The following MOB4 variants were observed in gnomAD, a reference collection of about 807,000 sequenced individuals.
MOB4 encodes MOB-like protein phocein.
MOB4 carries 4 observed loss-of-function variants against 32.2 expected under a neutral mutation model. The ratio of observed to expected loss-of-function variants is 0.12; its 90% CI spans 0.06 to 0.28. The LOEUF (loss-of-function observed/expected upper bound fraction) is 0.28, where lower values mean the gene tolerates loss of function less well. Ranked by LOEUF, MOB4 falls within the 10% of genes least tolerant of loss-of-function variation. The pLI is 1.00. For missense variants in MOB4, 158 were observed against 271.2 expected (o/e 0.58, Z 2.93); for synonymous variants, 88 against 88.1 (o/e 1.00, Z 0.01).
intron 3 of MOB4, among the ~76,000 whole-genome samples, chr2:197,538,379 A>T (rs1574645314): frequency 6.7e-6 from 1 of 148,208 alleles, no homozygotes; most frequent in Non-Finnish European, 1.5e-5. Flanking sequence ...TTATTAGTTG[A>T]CCAGGAAGAG....
Position 197,535,518 on chromosome 2 carries a change from CTTTGT to C in MOB4, c.124-8_124-4del. The C allele has an allele frequency of 6.3e-7, 1 of 1,580,604 alleles. No individual in the cohort carries two copies. The highest frequency in any genetic ancestry group is 8.6e-7 in the Non-Finnish European group (1 of 1,168,578). On this transcript the variant is annotated splice_region_variant and splice_polypyrimidine_tract_variant and intron_variant, in intron 2 of 7. Transcript: ENST00000323303. ...ATAATTTAATTAACCATAAGAACTT[CTTTGT>C]TTTTAGTATATTCAACAGAACATAA...
At chr2:197,546,773 A>C (rs1328658215) in intron 5 of MOB4, among the ~76,000 whole-genome samples, 1 of 152,236 alleles carries the variant, frequency 6.6e-6, no homozygotes, top group Non-Finnish European at 1.5e-5. Context: ...TTGGGATCCC[A>C]ACCCTCTGTG....
chr2:197,517,793 A>G lies in MOB4; in HGVS notation c.60+1647A>G, dbSNP rs116072881. Among the ~76,000 whole-genome samples the G allele has an allele frequency of 7.0e-3, 1,073 of 152,316 alleles. 9 individuals carry two copies. The highest frequency in any genetic ancestry group is 0.025 in the African/African-American group (1,022 of 41,564). On this transcript the variant is annotated intron_variant, in intron 1 of 7. Coordinates refer to ENST00000323303, the MANE Select transcript of MOB4 (RefSeq NM_015387.5). ...TGAAATGGATCTGTTCTAAAATGAT[A>G]TATTTAGAACCGTATCTCCTTCCCT...
chr2:197,543,805 C>G (rs938843236), intron 5 of MOB4, among the ~76,000 whole-genome samples: 1 of 152,152 alleles, frequency 6.6e-6, no homozygotes, highest in African/African-American at 2.4e-5. Context: ...GTGGCGCAAT[C>G]TCGGCTCACT....
chr2:197,550,974 T>C lies in MOB4; in HGVS notation c.*328T>C, dbSNP rs568010982. ...CAGACAAACCCATCTGTAAAAAAAA[T>C]GAGGGAGAGCTTGAGGTTTCACACA... On this transcript the variant is annotated 3_prime_UTR_variant, in exon 8 of 8. Transcript: ENST00000323303. The C allele has an allele frequency of 5.1e-5, 8 of 158,264 alleles. 1 individual carries two copies. In the East Asian group the frequency reaches 1.4e-3, roughly 28 times the overall value. The allele number at this position is 158,264 out of a possible 1,614,324, so 9.8% of individuals were successfully genotyped here.
At chr2:197,530,353 A>C (rs1037652787) in intron 2 of MOB4, among the ~76,000 whole-genome samples, 1 of 151,234 alleles carries the variant, frequency 6.6e-6, no homozygotes, top group Non-Finnish European at 1.5e-5. Context: ...CTGCAGCCTT[A>C]AACTCCTGGA....
chr2:197,520,922 A>AAGAAAT (rs1223897382), intron 1 of MOB4, among the ~76,000 whole-genome samples: 2 of 150,942 alleles, frequency 1.3e-5, no homozygotes, highest in East Asian at 3.9e-4. Flanking sequence ...AAAAAAGAAG[A>AAGAAAT]AGAAATAAAA....
intron 1 of MOB4, among the ~76,000 whole-genome samples, chr2:197,520,168 A>G (rs1001917363): frequency 4.0e-5 from 6 of 150,010 alleles, no homozygotes; most frequent in African/African-American, 1.5e-4. Context: ...ATCCATAAGT[A>G]TGCCTTGCAC....
At chr2:197,520,382 G>A (rs2086494446) in intron 1 of MOB4, among the ~76,000 whole-genome samples, 1 of 152,018 alleles carries the variant, frequency 6.6e-6, no homozygotes, top group East Asian at 1.9e-4. Context: ...CTCATGATCC[G>A]CCTGCCTCGG....
chr2:197,531,373 C>G (rs2086701625), intron 2 of MOB4, among the ~76,000 whole-genome samples: 1 of 152,014 alleles, frequency 6.6e-6, no homozygotes, highest in Admixed American at 6.6e-5. Context: ...GTGTACAGTT[C>G]TGTGGCATGA....
chr2:197,546,431 C>T (rs1214895383), intron 5 of MOB4, among the ~76,000 whole-genome samples: 1 of 151,970 alleles, frequency 6.6e-6, no homozygotes, highest in Non-Finnish European at 1.5e-5. Context: ...AAATCTTACC[C>T]TGTTATCCAG....
intron 2 of MOB4, among the ~76,000 whole-genome samples, chr2:197,534,929 C>T (rs1206851402): frequency 6.6e-6 from 1 of 152,210 alleles, no homozygotes; most frequent in East Asian, 1.9e-4. Flanking sequence ...TCTCTGCCCT[C>T]AAGCCCTACA....
chr2:197,525,303 G>A (rs1017172278), intron 2 of MOB4, among the ~76,000 whole-genome samples: 98 of 151,350 alleles, frequency 6.5e-4, no homozygotes, highest in Non-Finnish European at 1.3e-3. Context: ...AGCCGAGATC[G>A]TGCCACTGCA....
intron 3 of MOB4, 62 bp downstream of exon 3, chr2:197,535,692 T>C: frequency 2.0e-6 from 3 of 1,534,286 alleles, no homozygotes; most frequent in Non-Finnish European, 2.6e-6. Flanking sequence ...ATATTAATGA[T>C]AATTATGAAT....
intron 1 of MOB4, 110 bp downstream of exon 1, chr2:197,516,256 T>C: frequency 6.7e-7 from 1 of 1,494,548 alleles, no homozygotes; most frequent in Non-Finnish European, 8.9e-7. Flanking sequence ...GCGGGCGGGC[T>C]GGGGCACTGG....
rs1158738209 is a variant in MOB4, at chr2:197,552,641, T to C, written c.*1995T>C. 1 of 152,376 alleles carries C rather than the reference T, an allele frequency of 6.6e-6. No homozygotes were observed. The highest frequency in any genetic ancestry group is 2.4e-5 in the African/African-American group (1 of 41,476). The allele number at this position is 152,376 out of a possible 1,614,324, so 9.4% of individuals were successfully genotyped here. ...AATAATCAGTTTGTAGTCTTGCTTT[T>C]GTATTCATGTTGATAATCTTACTAA... On this transcript the variant is annotated 3_prime_UTR_variant, in exon 8 of 8. Coordinates refer to ENST00000323303, the MANE Select transcript of MOB4 (RefSeq NM_015387.5).
rs2086411589 is a variant in MOB4 at position 197,516,378 on chromosome 2, G to T, written c.60+232G>T. The T allele has an allele frequency of 6.4e-6, 9 of 1,413,868 alleles. No individual in the cohort carries two copies. In the South Asian group the frequency reaches 1.4e-4, roughly 21 times the overall value. The allele number at this position is 1,413,868 out of a possible 1,614,324, so 87.6% of individuals were successfully genotyped here. A position where few individuals can be genotyped will look rare whatever the true frequency, so the allele number is the denominator to read the frequency against. On this transcript the variant is annotated intron_variant, in intron 1 of 7. Transcript: ENST00000323303. ...GGGGTAGGCGTGAGGGGCGGGTGGG[G>T]TCTGCTGGTGGTACCTGCCTGCCGA...
intron 5 of MOB4, among the ~76,000 whole-genome samples, chr2:197,546,322 A>C (rs2086992452): frequency 6.6e-6 from 1 of 152,078 alleles, no homozygotes; most frequent in Admixed American, 6.5e-5. Flanking sequence ...CGGCCTCCCA[A>C]AATGCTGGAA....
At chr2:197,548,007 T>G (rs1201465654) in intron 5 of MOB4, among the ~76,000 whole-genome samples, 2 of 152,108 alleles carry the variant, frequency 1.3e-5, no homozygotes, top group African/African-American at 4.8e-5. Flanking sequence ...TAAGGAATAT[T>G]GTTTAGGATA....
Sources: allele counts gnomAD v4.1 joint callset (sites outside exome capture counted in the v4.1 genomes callset), GRCh38; gene constraint gnomAD v4.1.1; transcripts MANE v1.5; gene names NCBI Gene and HGNC (gene_info 2026-07-23, HGNC 2026-07-21).